CNTNAP2: variants seen among roughly 807,000 people sequenced by gnomAD.
The protein encoded by CNTNAP2 is contactin-associated protein-like 2.
A neutral mutation model predicts 155.2 loss-of-function variants in CNTNAP2; 98 were observed. The observed-to-expected ratio is 0.63, with a 90% confidence interval of 0.54 to 0.75. The LOEUF (loss-of-function observed/expected upper bound fraction) is 0.75. Ranked by LOEUF, CNTNAP2 falls within the 30% of genes least tolerant of loss-of-function variation. CNTNAP2 has a pLI of 0.00. For missense variants in CNTNAP2, 1,727 were observed against 1,688.1 expected, an observed-to-expected ratio of 1.02 and a Z score of -0.40; for synonymous variants, 651 against 631.2, an observed-to-expected ratio of 1.03 and a Z score of -0.47.
intron 13 of CNTNAP2, among the ~76,000 whole-genome samples, chr7:147,667,605 AC>A (rs1390957905): frequency 6.6e-6 from 1 of 152,040 alleles, no homozygotes; most frequent in Non-Finnish European, 1.5e-5. Context: ...AGAATAACAT[AC>A]CTTTCAGGAT....
intron 13 of CNTNAP2, among the ~76,000 whole-genome samples, chr7:147,730,702 A>G (rs907278140): frequency 2.6e-5 from 4 of 152,078 alleles, no homozygotes; most frequent in Non-Finnish European, 5.9e-5. Flanking sequence ...AGAGTCACAC[A>G]TCTGTCACTT....
At chr7:148,078,086 C>G (rs1345855053) in intron 15 of CNTNAP2, among the ~76,000 whole-genome samples, 3 of 151,192 alleles carry the variant, frequency 2.0e-5, no homozygotes, top group East Asian at 3.9e-4. Flanking sequence ...TTTTTTTAGA[C>G]AGAATCTTGC....
intron 13 of CNTNAP2, among the ~76,000 whole-genome samples, chr7:147,814,588 T>C (rs967385708): frequency 7.9e-5 from 12 of 152,218 alleles, no homozygotes; most frequent in Non-Finnish European, 1.8e-4. Context: ...TCATTTTATA[T>C]AACCTATTGA....
intron 13 of CNTNAP2, chr7:147,672,200 G>A (rs544569247): frequency 6.6e-6 from 1 of 152,252 alleles, no homozygotes; most frequent in South Asian, 2.1e-4. Context: ...GGGAGGTATA[G>A]TTCTAGCCAT....
At chr7:146,321,310 G>T (rs555486596) in intron 1 of CNTNAP2, among the ~76,000 whole-genome samples, 5 of 152,270 alleles carry the variant, frequency 3.3e-5, no homozygotes, top group African/African-American at 1.2e-4. Context: ...ATTAAAACGA[G>T]AAGTTTTTAA....
chr7:147,153,089 C>G (rs1273651593), intron 8 of CNTNAP2, among the ~76,000 whole-genome samples: 2 of 151,484 alleles, frequency 1.3e-5, no homozygotes, highest in Non-Finnish European at 2.9e-5. Flanking sequence ...ACCGTCTCCT[C>G]TGTTAAAAAA....
chr7:147,625,302 A>C (rs772811167), intron 12 of CNTNAP2, among the ~76,000 whole-genome samples: 1 of 152,084 alleles, frequency 6.6e-6, no homozygotes, highest in Admixed American at 6.6e-5. Context: ...GTGGATGGAT[A>C]CCTCCTTCTC....
chr7:148,085,127 T>C (rs1294594368), intron 15 of CNTNAP2, among the ~76,000 whole-genome samples: 1 of 152,238 alleles, frequency 6.6e-6, no homozygotes, highest in Admixed American at 6.5e-5. Context: ...CTAAATGTAA[T>C]ATCTAAGTAA....
chr7:147,878,405 A>ACTTATGTT (rs148868558), intron 13 of CNTNAP2, among the ~76,000 whole-genome samples: 13,638 of 151,534 alleles, frequency 0.09, 810 homozygotes, highest in Middle Eastern at 0.18. Flanking sequence ...TTTGCTAATT[A>ACTTATGTT]CTTATGTTGT....
intron 1 of CNTNAP2, among the ~76,000 whole-genome samples, chr7:146,532,139 G>C (rs1797779651): frequency 6.6e-6 from 1 of 151,788 alleles, no homozygotes; most frequent in Admixed American, 6.6e-5. Flanking sequence ...ACAATGAGGA[G>C]AGAAATGAAA....
At chr7:147,035,055 A>G (rs1024148379) in intron 3 of CNTNAP2, among the ~76,000 whole-genome samples, 1 of 152,090 alleles carries the variant, frequency 6.6e-6, no homozygotes, top group Non-Finnish European at 1.5e-5. Flanking sequence ...TTCTGTTTTG[A>G]CCAGATCCTG....
At chr7:147,493,425 T>G (rs2116652250) in intron 11 of CNTNAP2, among the ~76,000 whole-genome samples, 1 of 152,266 alleles carries the variant, frequency 6.6e-6, no homozygotes, top group African/African-American at 2.4e-5. Context: ...TGTGTCCCTG[T>G]TATTAAGGAG....
intron 21 of CNTNAP2, 30 bp from the exon 22 acceptor site, chr7:148,383,619 G>A (rs1450179079): frequency 6.2e-7 from 1 of 1,614,184 alleles, no homozygotes; most frequent in East Asian, 2.2e-5. Context: ...GGTGAGTCAA[G>A]TAACATTTTC....
intron 1 of CNTNAP2, among the ~76,000 whole-genome samples, chr7:146,250,272 C>A (rs1314405839): frequency 6.6e-6 from 1 of 152,152 alleles, no homozygotes; most frequent in Non-Finnish European, 1.5e-5. Flanking sequence ...GCATGTGAGG[C>A]TGAATTCTAT....
At chr7:146,340,809 T>C (rs1027744978) in intron 1 of CNTNAP2, among the ~76,000 whole-genome samples, 1 of 152,328 alleles carries the variant, frequency 6.6e-6, no homozygotes. Flanking sequence ...GGCAAATATT[T>C]GCTAAAATAA....
intron 1 of CNTNAP2, among the ~76,000 whole-genome samples, chr7:146,746,354 A>G (rs897506468): frequency 5.3e-5 from 8 of 152,200 alleles, no homozygotes; most frequent in African/African-American, 1.9e-4. Context: ...CATGATTTAT[A>G]TATTTTAAAT....
intron 3 of CNTNAP2, among the ~76,000 whole-genome samples, chr7:146,857,582 G>T (rs1367843820): frequency 2.0e-5 from 3 of 152,132 alleles, no homozygotes; most frequent in Non-Finnish European, 4.4e-5. Context: ...AGAAAATAGA[G>T]ATTTGACTTG....
intron 1 of CNTNAP2, among the ~76,000 whole-genome samples, chr7:146,422,354 T>C (rs1334296600): frequency 6.7e-6 from 1 of 149,478 alleles, no homozygotes; most frequent in Non-Finnish European, 1.5e-5. Flanking sequence ...TATGTGTATA[T>C]ATATGTATAT....
chr7:148,393,457 A>T (rs1305247672), intron 22 of CNTNAP2, among the ~76,000 whole-genome samples: 1 of 152,216 alleles, frequency 6.6e-6, no homozygotes, highest in Admixed American at 6.5e-5. Flanking sequence ...CACCAAGCGC[A>T]TTTATGTATC....
Sources: gnomAD v4.1 joint callset for allele counts (sites outside exome capture counted in the v4.1 genomes callset) on GRCh38, gnomAD v4.1.1 for gene constraint, MANE v1.5 for transcripts, NCBI Gene and HGNC (gene_info 2026-07-23, HGNC 2026-07-21) for gene names.